Variants in KLHL32 observed in about 807,000 individuals in gnomAD.
The protein encoded by KLHL32 is kelch-like protein 32.
A neutral mutation model predicts 64.8 loss-of-function variants in KLHL32; 35 were observed. That is an observed-to-expected ratio of 0.54 (90% CI 0.41 to 0.72). The LOEUF is 0.72. KLHL32 is among the 30% of genes least tolerant of loss of function. KLHL32 has a pLI of 0.00. For missense variants in KLHL32, 589 were observed against 768.5 expected, an observed-to-expected ratio of 0.77 and a Z score of 2.76; for synonymous variants, 259 against 281.0, an observed-to-expected ratio of 0.92 and a Z score of 0.78.
intron 8 of KLHL32, 113 bp downstream of exon 8, chr6:97,127,575 T>C: frequency 1.1e-6 from 1 of 870,264 alleles, no homozygotes; most frequent in Non-Finnish European, 1.9e-6. Flanking sequence ...ATCTTTAGCT[T>C]ATATAGAGAA....
intron 1 of KLHL32, among the ~76,000 whole-genome samples, chr6:96,927,663 T>G (rs941634235): frequency 6.6e-6 from 1 of 152,228 alleles, no homozygotes; most frequent in Non-Finnish European, 1.5e-5. Flanking sequence ...CTTCTCATGG[T>G]TCTCTTATTC....
chr6:97,024,863 T>C, intron 3 of KLHL32: 3 of 323,542 alleles, frequency 9.3e-6, no homozygotes, highest in Non-Finnish European at 1.3e-5. Context: ...CCCCTTTATA[T>C]GTATTTGTTT....
chr6:97,139,863 T>A lies in KLHL32; in HGVS notation c.*581T>A, dbSNP rs572585818. On this transcript the variant is annotated 3_prime_UTR_variant, in exon 11 of 11. Transcript: ENST00000369261. ...TGTTGAAATACCCAGATTTTTCACC[T>A]TGGTTACTCTGACCTTGGGTCAGAA... The A allele has an allele frequency of 6.6e-6, 1 of 152,308 alleles. No individual in the cohort carries two copies. Among genetic ancestry groups the A allele is most frequent in the South Asian group, 2.1e-4 (1 of 4,822 alleles). The allele number at this position is 152,308 out of a possible 1,614,324, so 9.4% of individuals were successfully genotyped here.
At chr6:97,120,500 A>C (rs1259664381) in intron 7 of KLHL32, among the ~76,000 whole-genome samples, 1 of 152,190 alleles carries the variant, frequency 6.6e-6, no homozygotes, top group Admixed American at 6.5e-5. Context: ...CTGTCGTTTT[A>C]TGGTGCTCAG....
At chr6:96,959,265 C>A (rs1286437647) in intron 1 of KLHL32, among the ~76,000 whole-genome samples, 2 of 152,146 alleles carry the variant, frequency 1.3e-5, no homozygotes. Flanking sequence ...CATCCCAGAC[C>A]TGGAGGTAGT....
At chr6:97,071,869 A>G (rs572220868) in intron 5 of KLHL32, among the ~76,000 whole-genome samples, 1 of 152,296 alleles carries the variant, frequency 6.6e-6, no homozygotes, top group East Asian at 1.9e-4. Flanking sequence ...CCTGTAGTCT[A>G]ATGCTAATCA....
At chr6:97,034,556 T>G (rs1245137467) in intron 3 of KLHL32, among the ~76,000 whole-genome samples, 1 of 152,022 alleles carries the variant, frequency 6.6e-6, no homozygotes, top group Non-Finnish European at 1.5e-5. Flanking sequence ...GAATGCCACT[T>G]GAATTTTGAT....
chr6:97,052,845 A>G lies in KLHL32; in HGVS notation c.312+11246A>G, dbSNP rs183740080. Among the ~76,000 whole-genome samples the G allele has an allele frequency of 6.0e-3, 911 of 152,292 alleles. 6 individuals are homozygous for G. The highest frequency in any genetic ancestry group is 9.6e-3 in the Non-Finnish European group (656 of 68,012). On this transcript the variant is annotated intron_variant, in intron 4 of 10. Coordinates refer to ENST00000369261, the MANE Select transcript of KLHL32 (RefSeq NM_052904.4). ...TTTATTAACCTTCACTTTTTATGCAATGTTCTATAATATAAACTTCTGATG... is the reference window on the plus strand; with the variant it reads ...TTTATTAACCTTCACTTTTTATGCAGTGTTCTATAATATAAACTTCTGATG...
rs184451732 is a variant in KLHL32, at chr6:97,041,944, C to A, written c.312+345C>A. 1.4e-4 allele frequency among the ~76,000 whole-genome samples: 22 copies of A among 152,148 alleles called. 1 individual carries two copies. The highest frequency in any genetic ancestry group is 1.4e-3 in the Admixed American group (21 of 15,272). On this transcript the variant is annotated intron_variant, in intron 4 of 10. Coordinates refer to ENST00000369261, the MANE Select transcript of KLHL32 (RefSeq NM_052904.4). ...CGGTGACTCAATCATGGCTTTATTG[C>A]CTTAAAAACAAGACAAAAAATTTAG...
intron 1 of KLHL32, among the ~76,000 whole-genome samples, chr6:96,959,834 T>G (rs1773690690): frequency 6.6e-6 from 1 of 152,234 alleles, no homozygotes; most frequent in Non-Finnish European, 1.5e-5. Context: ...TATTTTTCAC[T>G]TCCAGTGACA....
At chr6:97,122,793 A>C (rs1798499535) in intron 7 of KLHL32, among the ~76,000 whole-genome samples, 1 of 152,234 alleles carries the variant, frequency 6.6e-6, no homozygotes, top group Non-Finnish European at 1.5e-5. Context: ...GAGGAAGCTG[A>C]GCATGGCTGT....
At chr6:96,957,051 G>A (rs1456909970) in intron 1 of KLHL32, among the ~76,000 whole-genome samples, 2 of 152,130 alleles carry the variant, frequency 1.3e-5, no homozygotes, top group African/African-American at 4.8e-5. Context: ...TTGATTATAA[G>A]CTTTTTGATT....
intron 7 of KLHL32, among the ~76,000 whole-genome samples, chr6:97,121,103 G>A (rs1798317313): frequency 6.6e-6 from 1 of 152,130 alleles, no homozygotes; most frequent in African/African-American, 2.4e-5. Context: ...TCCCGAATAA[G>A]TTGCACTTTG....
intron 7 of KLHL32, 59 bp from the exon 8 acceptor site, chr6:97,127,345 T>C (rs878917835): frequency 1.1e-5 from 15 of 1,361,800 alleles, no homozygotes; most frequent in South Asian, 4.7e-5. Context: ...CTCATTCTTA[T>C]GTTGGAATAT....
chr6:97,128,578 C>CT (rs1799111808), intron 8 of KLHL32, among the ~76,000 whole-genome samples: 1 of 152,250 alleles, frequency 6.6e-6, no homozygotes, highest in Non-Finnish European at 1.5e-5. Flanking sequence ...CTCAATAACT[C>CT]TATCATTCAG....
rs1391652597 is a variant in KLHL32, at chr6:97,039,555, T to C, written c.205-1937T>C. ...GCTAGAAGACAGCCGGGCGCAGTGG[T>C]TCACGCCTGTAATCCCAGCACTTTG... On this transcript the variant is annotated intron_variant, in intron 3 of 10. Coordinates refer to ENST00000369261, the MANE Select transcript of KLHL32 (RefSeq NM_052904.4). Among the ~76,000 whole-genome samples the C allele has an allele frequency of 3.2e-4, 34 of 105,508 alleles. 5 individuals carry two copies. The South Asian group carries it at 7.7e-3, about 24-fold the overall frequency. 69.2% of individuals were successfully genotyped at this position (105,508 alleles called of 152,430 possible).
chr6:97,128,996 A>C (rs1384491020), intron 8 of KLHL32, among the ~76,000 whole-genome samples: 1 of 152,238 alleles, frequency 6.6e-6, no homozygotes, highest in Non-Finnish European at 1.5e-5. Context: ...ATTCATGTGT[A>C]ATGTATTATA....
At chr6:97,066,284 A>AT (rs1459999250) in intron 5 of KLHL32, among the ~76,000 whole-genome samples, 1 of 152,234 alleles carries the variant, frequency 6.6e-6, no homozygotes, top group Non-Finnish European at 1.5e-5. Flanking sequence ...GATGTACATT[A>AT]TAAATGGTGT....
intron 10 of KLHL32, among the ~76,000 whole-genome samples, chr6:97,137,940 G>A (rs934287780): frequency 7.2e-5 from 11 of 152,128 alleles, no homozygotes; most frequent in Admixed American, 2.0e-4. Flanking sequence ...TGAAATATTG[G>A]GAAACACCTA....
Sources: gnomAD v4.1 joint callset for allele counts (sites outside exome capture counted in the v4.1 genomes callset) on GRCh38, gnomAD v4.1.1 for gene constraint, MANE v1.5 for transcripts, NCBI Gene and HGNC (gene_info 2026-07-23, HGNC 2026-07-21) for gene names.